Variants in CCDC91 observed in about 807,000 individuals in gnomAD.
CCDC91 encodes coiled-coil domain containing 91.
In CCDC91, 48 loss-of-function variants were observed where a neutral mutation model predicts 63.2. The ratio of observed to expected loss-of-function variants is 0.76; its 90% CI spans 0.60 to 0.97. CCDC91 has a LOEUF of 0.97. CCDC91 is among the 50% of genes least tolerant of loss of function. The pLI is 0.00. For missense variants in CCDC91, 500 were observed against 494.6 expected (o/e 1.01, Z -0.10); for synonymous variants, 167 against 165.8 (o/e 1.01, Z -0.06).
intron 11 of CCDC91, among the ~76,000 whole-genome samples, chr12:28,476,867 T>G (rs1951126864): frequency 6.6e-6 from 1 of 152,128 alleles, no homozygotes; most frequent in South Asian, 2.1e-4. Flanking sequence ...CTAGAAAATC[T>G]AGAAGAAATG....
intron 6 of CCDC91, among the ~76,000 whole-genome samples, chr12:28,320,027 A>G (rs1592297291): frequency 6.6e-6 from 1 of 151,902 alleles, no homozygotes; most frequent in Non-Finnish European, 1.5e-5. Flanking sequence ...AAAGTTAGAC[A>G]GTACATGACC....
At chr12:28,352,384 C>T (rs1221253457) in intron 6 of CCDC91, among the ~76,000 whole-genome samples, 1 of 152,130 alleles carries the variant, frequency 6.6e-6, no homozygotes, top group African/African-American at 2.4e-5. Context: ...TAGCATTTTA[C>T]CCAAAATAAA....
At chr12:28,198,295 C>A (rs1418358003) in intron 1 of CCDC91, among the ~76,000 whole-genome samples, 1 of 152,110 alleles carries the variant, frequency 6.6e-6, no homozygotes, top group African/African-American at 2.4e-5. Context: ...AAAGACAGTG[C>A]TGCAGTGTTA....
At chr12:28,296,344 G>A (rs1207540169) in intron 3 of CCDC91, among the ~76,000 whole-genome samples, 1 of 151,730 alleles carries the variant, frequency 6.6e-6, no homozygotes, top group Non-Finnish European at 1.5e-5. Context: ...AGTATACAGG[G>A]TTACCCAAAC....
chr12:28,417,810 T>C (rs191569694), intron 8 of CCDC91, among the ~76,000 whole-genome samples: 6 of 152,220 alleles, frequency 3.9e-5, no homozygotes, highest in African/African-American at 1.4e-4. Flanking sequence ...CCCAATGCCG[T>C]ACATTAAGTA....
intron 6 of CCDC91, among the ~76,000 whole-genome samples, chr12:28,325,395 A>G (rs1419939528): frequency 6.6e-6 from 1 of 152,004 alleles, no homozygotes; most frequent in Non-Finnish European, 1.5e-5. Flanking sequence ...TCCAAGTTCT[A>G]TTTTGGGTGA....
rs74910392 is a variant in CCDC91, at chr12:28,518,014, G to A, written c.1216-31049G>A. 5.5e-3 allele frequency among the ~76,000 whole-genome samples: 830 copies of A among 151,860 alleles called. 7 individuals carry two copies. In the Middle Eastern group the frequency reaches 0.061, roughly 11 times the overall value. On this transcript the variant is annotated intron_variant, in intron 12 of 12. Coordinates refer to ENST00000536442, the MANE Select transcript of CCDC91 (RefSeq NM_018318.5). ...GTATTCTATCGTGTATGTAGACCAC[G>A]GTTTCTTTATCTACTCATTGATTGA... is the stretch of plus-strand genomic sequence containing the variant.
At chr12:28,503,826 A>G (rs1294903482) in intron 12 of CCDC91, among the ~76,000 whole-genome samples, 1 of 151,442 alleles carries the variant, frequency 6.6e-6, no homozygotes, top group South Asian at 2.1e-4. Context: ...TCAGTAAACT[A>G]TCACAAGGAC....
intron 7 of CCDC91, among the ~76,000 whole-genome samples, chr12:28,366,841 G>T (rs1944307670): frequency 6.6e-6 from 1 of 152,190 alleles, no homozygotes; most frequent in Admixed American, 6.5e-5. Context: ...CAGCCGGACT[G>T]GTATTGATGG....
At chr12:28,387,214 A>G (rs893655520) in intron 7 of CCDC91, among the ~76,000 whole-genome samples, 4 of 152,164 alleles carry the variant, frequency 2.6e-5, no homozygotes, top group African/African-American at 9.7e-5. Context: ...TTTGGAAATT[A>G]CCTTATTTGC....
At chr12:28,541,364 C>A (rs1822362440) in intron 12 of CCDC91, among the ~76,000 whole-genome samples, 1 of 152,022 alleles carries the variant, frequency 6.6e-6, no homozygotes, top group Admixed American at 6.6e-5. Context: ...TTGCTTGTTT[C>A]TGTAGATTGA....
At chr12:28,518,833 G>T (rs1319402450) in intron 12 of CCDC91, among the ~76,000 whole-genome samples, 1 of 151,992 alleles carries the variant, frequency 6.6e-6, no homozygotes, top group East Asian at 1.9e-4. Flanking sequence ...ATTTGTATAA[G>T]GTGAGAGATA....
chr12:28,415,643 TTAAC>T (rs1375378594), intron 8 of CCDC91, among the ~76,000 whole-genome samples: 4 of 146,098 alleles, frequency 2.7e-5, no homozygotes, highest in African/African-American at 1.0e-4. Flanking sequence ...TAGCCTTTAT[TTAAC>T]TAATAAAGAT....
At chr12:28,237,723 C>T (rs1370697828) in intron 1 of CCDC91, among the ~76,000 whole-genome samples, 3 of 152,170 alleles carry the variant, frequency 2.0e-5, no homozygotes, top group African/African-American at 7.2e-5. Flanking sequence ...CTGTTGTTTT[C>T]AGCCACCAAG....
At chr12:28,313,145 T>C (rs1360350504) in intron 6 of CCDC91, among the ~76,000 whole-genome samples, 1 of 151,988 alleles carries the variant, frequency 6.6e-6, no homozygotes, top group Non-Finnish European at 1.5e-5. Context: ...TTTAAATGTC[T>C]GTGAAGCTTA....
chr12:28,242,640 T>C (rs1034969303), intron 1 of CCDC91, among the ~76,000 whole-genome samples: 2 of 151,580 alleles, frequency 1.3e-5, no homozygotes, highest in African/African-American at 4.9e-5. Context: ...ATTATTGGGG[T>C]CTAGGTTGTT....
intron 1 of CCDC91, among the ~76,000 whole-genome samples, chr12:28,196,032 G>A (rs1188255503): frequency 6.6e-6 from 1 of 152,196 alleles, no homozygotes; most frequent in East Asian, 1.9e-4. Context: ...TTGAGCCTGG[G>A]AGGTAGAGGC....
At chr12:28,230,103 C>A (rs1414761005) in intron 1 of CCDC91, among the ~76,000 whole-genome samples, 2 of 152,140 alleles carry the variant, frequency 1.3e-5, no homozygotes, top group Non-Finnish European at 2.9e-5. Context: ...AGATGGAAAT[C>A]TCAGTGTATT....
chr12:28,198,202 G>A (rs1941930826), intron 1 of CCDC91, among the ~76,000 whole-genome samples: 1 of 152,080 alleles, frequency 6.6e-6, no homozygotes, highest in Non-Finnish European at 1.5e-5. Context: ...CAGCCCTGTG[G>A]TTAAAGAGTA....
Sources: gnomAD v4.1 joint callset for allele counts (sites outside exome capture counted in the v4.1 genomes callset) on GRCh38, gnomAD v4.1.1 for gene constraint, MANE v1.5 for transcripts, NCBI Gene and HGNC (gene_info 2026-07-23, HGNC 2026-07-21) for gene names.